RPGRIP1: variants seen among roughly 807,000 people sequenced by gnomAD.
The protein encoded by RPGRIP1 is X-linked retinitis pigmentosa GTPase regulator-interacting protein 1.
RPGRIP1 carries 128 observed loss-of-function variants against 157.9 expected under a neutral mutation model. The observed-to-expected ratio is 0.81, with a 90% CI of 0.70 to 0.94. The LOEUF is 0.94. Among genes scored for constraint, RPGRIP1 ranks in the 40% least tolerant of loss-of-function variants. RPGRIP1 has a pLI of 0.00. For missense variants in RPGRIP1, 1,486 were observed against 1,545.8 expected, an observed-to-expected ratio of 0.96 and a Z score of 0.65; for synonymous variants, 554 against 571.6, an observed-to-expected ratio of 0.97 and a Z score of 0.44.
At position 21,327,768 on chromosome 14, in the gene RPGRIP1, GA is replaced by G. The variant is rs1320644444; in HGVS notation, c.2857del (p.Ile953SerfsTer48). 6.2e-7 allele frequency: 1 copy of G among 1,611,138 alleles called. No homozygotes were observed. The highest frequency in any genetic ancestry group is 2.2e-5 in the East Asian group (1 of 44,848). On this transcript the variant is annotated frameshift_variant, in exon 18 of 25. Transcript: ENST00000400017. LOFTEE classifies it high-confidence loss of function. ...KGKDTKDSSK[I>X]SSEEEKASFP... Reference sequence around the variant, plus strand: ...GGAAGGATACCAAGGACAGTTCAAAGATCTCATCTGAAGAGGAAAAGGCTTC... The same window carrying G: ...GGAAGGATACCAAGGACAGTTCAAAGTCTCATCTGAAGAGGAAAAGGCTTC...
In RPGRIP1 at chr14:21,342,247, T is replaced by C. The variant is rs556258047; in HGVS notation, c.3340-789T>C. Among the ~76,000 whole-genome samples, 7 of 152,092 alleles carry C rather than the reference T, an allele frequency of 4.6e-5. No homozygotes were observed. In the South Asian group the frequency reaches 1.5e-3, roughly 32 times the overall value. ...CAGGAAAATACTAGCTTGGTTTTCATGAAGAACACTGTGGCCAGTTGCAGT... is the reference window on the plus strand; with the variant it reads ...CAGGAAAATACTAGCTTGGTTTTCACGAAGAACACTGTGGCCAGTTGCAGT... On this transcript the variant is annotated intron_variant, in intron 21 of 24. Transcript: ENST00000400017.
At chr14:21,306,523 A>T (rs1270909191) in intron 6 of RPGRIP1, among the ~76,000 whole-genome samples, 1 of 149,748 alleles carries the variant, frequency 6.7e-6, no homozygotes, top group Non-Finnish European at 1.5e-5. Context: ...CAGTGGCGAG[A>T]TCTCAGCTCA....
At position 21,307,847 on chromosome 14, in the gene RPGRIP1, A is replaced by G; in HGVS notation, c.906+11A>G. The stretch of plus-strand genomic sequence containing the variant: ...ACAGAAGTTCAAGAGGTGAGTTGCC[A>G]TCATCAGCTGTGCTTTCTTGGTGGG... On this transcript the variant is annotated intron_variant, in intron 7 of 24. Transcript: ENST00000400017. 6.8e-7 allele frequency: 1 copy of G among 1,474,228 alleles called. No individual in the cohort carries two copies. Among genetic ancestry groups the G allele is most frequent in the Non-Finnish European group, 9.2e-7 (1 of 1,087,636 alleles). The allele number at this position is 1,474,228 out of a possible 1,614,324, so 91.3% of individuals were successfully genotyped here.
chr14:21,331,081 G>A (rs1883731043), intron 20 of RPGRIP1, among the ~76,000 whole-genome samples: 2 of 151,546 alleles, frequency 1.3e-5, no homozygotes, highest in Admixed American at 1.3e-4. Context: ...GGCTAATTTT[G>A]TATTTTTAGT....
At chr14:21,333,549 G>T (rs543438644) in intron 20 of RPGRIP1, among the ~76,000 whole-genome samples, 4 of 152,244 alleles carry the variant, frequency 2.6e-5, no homozygotes, top group African/African-American at 9.6e-5. Context: ...GTCTCATGAA[G>T]AAGGCTCATT....
At chr14:21,314,290 C>T (rs921512874) in intron 10 of RPGRIP1, among the ~76,000 whole-genome samples, 1 of 152,034 alleles carries the variant, frequency 6.6e-6, no homozygotes, top group African/African-American at 2.4e-5. Context: ...CGCCAGATTG[C>T]CCAGGCTGGT....
At chr14:21,348,434 C>G in intron 24 of RPGRIP1, 132 bp downstream of exon 24, 2 of 693,530 alleles carry the variant, frequency 2.9e-6, no homozygotes, top group Non-Finnish European at 4.5e-6. Flanking sequence ...CTTATCCCTA[C>G]AACTGTATTT....
At chr14:21,330,050 G>A (rs1416237235) in intron 19 of RPGRIP1, among the ~76,000 whole-genome samples, 199 bp from the exon 20 acceptor site, 4 of 151,360 alleles carry the variant, frequency 2.6e-5, no homozygotes, top group East Asian at 2.0e-4. Context: ...CCCAGGAGGC[G>A]AAGGTTGCAG....
intron 24 of RPGRIP1, 49 bp from the exon 25 acceptor site, chr14:21,351,055 T>C: frequency 9.8e-7 from 1 of 1,023,324 alleles, no homozygotes; most frequent in Non-Finnish European, 1.5e-6. Context: ...AAATACCAAG[T>C]ATCAAAGTGT....
At chr14:21,296,686 G>C (rs891086601) in intron 3 of RPGRIP1, among the ~76,000 whole-genome samples, 19 of 151,752 alleles carry the variant, frequency 1.3e-4, no homozygotes, top group Non-Finnish European at 7.4e-5. Context: ...GCCAGCCACA[G>C]TGGCTCACGC....
chr14:21,289,663 A>G (rs1414071810), intron 2 of RPGRIP1, among the ~76,000 whole-genome samples: 2 of 152,078 alleles, frequency 1.3e-5, no homozygotes, highest in Non-Finnish European at 2.9e-5. Flanking sequence ...AATATTTGCC[A>G]TTATCTAGTA....
At chr14:21,302,059 T>G (rs1881059753) in intron 4 of RPGRIP1, among the ~76,000 whole-genome samples, 1 of 152,112 alleles carries the variant, frequency 6.6e-6, no homozygotes, top group African/African-American at 2.4e-5. Flanking sequence ...CTTAGTGTGG[T>G]CCTATAATTT....
chr14:21,316,007 A>C (rs1594189036), intron 10 of RPGRIP1, among the ~76,000 whole-genome samples: 3 of 126,004 alleles, frequency 2.4e-5, no homozygotes, highest in Admixed American at 8.9e-5. Context: ...ACAAAGTCTC[A>C]CTCTGTTGCC....
intron 10 of RPGRIP1, among the ~76,000 whole-genome samples, 187 bp downstream of exon 10, chr14:21,312,693 T>A (rs1881590031): frequency 7.7e-6 from 1 of 130,446 alleles, no homozygotes; most frequent in Non-Finnish European, 1.7e-5. Flanking sequence ...GCATATCCTC[T>A]TTTTTTTTTT....
Position 21,321,916 on chromosome 14 carries a change from G to T in RPGRIP1, c.1674G>T (p.Leu558=). Reference sequence around the variant, plus strand: ...ATAATAGAGATCACAAAGAAAAGCTGGAGAGGTTGACTCGACTACTAGACC... The same window carrying T: ...ATAATAGAGATCACAAAGAAAAGCTTGAGAGGTTGACTCGACTACTAGACC... ...DNDNRDHKEK[L]ERLTRLLDLK... The change falls in exon 14 of 25, where the codon CTG becomes CTT. Residue 558 remains leucine, a synonymous_variant. Coordinates refer to ENST00000400017, the MANE Select transcript of RPGRIP1 (RefSeq NM_020366.4). 6.2e-7 allele frequency: 1 copy of T among 1,613,504 alleles called. No individual in the cohort carries two copies. Among genetic ancestry groups the T allele is most frequent in the Non-Finnish European group, 8.5e-7 (1 of 1,179,552 alleles).
intron 6 of RPGRIP1, among the ~76,000 whole-genome samples, chr14:21,306,020 T>C (rs1203875338): frequency 6.7e-6 from 1 of 149,144 alleles, no homozygotes; most frequent in Non-Finnish European, 1.5e-5. Flanking sequence ...ATCAATGAGA[T>C]AGAGTGGAGT....
intron 19 of RPGRIP1, 113 bp downstream of exon 19, chr14:21,328,740 C>A: frequency 2.6e-6 from 2 of 769,350 alleles, no homozygotes; most frequent in Non-Finnish European, 4.2e-6. Context: ...AAGCACTAAT[C>A]GGCCGGGCAT....
chr14:21,296,644 C>A (rs1432301320), intron 3 of RPGRIP1, among the ~76,000 whole-genome samples: 1 of 151,802 alleles, frequency 6.6e-6, no homozygotes, highest in African/African-American at 2.4e-5. Context: ...ACCCATCGTG[C>A]CCAGTTAATT....
chr14:21,333,577 G>GCC lies in RPGRIP1; in HGVS notation c.3239-1027_3239-1026insCC, dbSNP rs1399091191. 5.7e-3 allele frequency among the ~76,000 whole-genome samples: 865 copies of GCC among 152,292 alleles called. 7 individuals carry two copies. The highest frequency in any genetic ancestry group is 0.02 in the African/African-American group (822 of 41,558). ...GGCTCATTTCTCCTCTCTCAATGTGGCATTAGATGGGGTAGCTCAGCTAGG... is the reference window on the plus strand; with the variant it reads ...GGCTCATTTCTCCTCTCTCAATGTGGCCCATTAGATGGGGTAGCTCAGCTAGG... On this transcript the variant is annotated intron_variant, in intron 20 of 24. Coordinates refer to ENST00000400017, the MANE Select transcript of RPGRIP1 (RefSeq NM_020366.4).
Sources: allele counts gnomAD v4.1 joint callset (sites outside exome capture counted in the v4.1 genomes callset), GRCh38; gene constraint gnomAD v4.1.1; transcripts MANE v1.5; gene names NCBI Gene and HGNC (gene_info 2026-07-23, HGNC 2026-07-21).